Variants in UNC5C observed in about 807,000 individuals in gnomAD.
UNC5C encodes the protein unc-5 netrin receptor C, also known as netrin receptor UNC5C.
UNC5C carries 47 observed loss-of-function variants against 99.8 expected under a neutral mutation model. That is an observed-to-expected ratio of 0.47 (90% CI 0.37 to 0.60). The LOEUF is 0.60. UNC5C is among the 20% of genes least tolerant of loss of function. The pLI, the probability that UNC5C is intolerant of heterozygous loss-of-function variation, is 0.00. For synonymous variants in UNC5C, 487 were observed against 452.2 expected, an observed-to-expected ratio of 1.08 and a Z score of -0.98; for missense variants, 1,062 against 1,165.9, an observed-to-expected ratio of 0.91 and a Z score of 1.30.
At chr4:95,465,632 G>T (rs1030743077) in intron 1 of UNC5C, among the ~76,000 whole-genome samples, 1 of 151,866 alleles carries the variant, frequency 6.6e-6, no homozygotes, top group South Asian at 2.1e-4. Flanking sequence ...TAACATATGG[G>T]GTGCGTAAAA....
intron 1 of UNC5C, among the ~76,000 whole-genome samples, chr4:95,392,128 A>G (rs1483096104): frequency 6.6e-6 from 1 of 152,164 alleles, no homozygotes; most frequent in Non-Finnish European, 1.5e-5. Flanking sequence ...TTTTACAGAA[A>G]TGTATCTTTA....
intron 1 of UNC5C, among the ~76,000 whole-genome samples, chr4:95,532,860 A>G (rs1170546570): frequency 6.6e-6 from 1 of 151,030 alleles, no homozygotes; most frequent in Non-Finnish European, 1.5e-5. Flanking sequence ...CCTGTCAGTC[A>G]TGGTAAGATG....
intron 7 of UNC5C, among the ~76,000 whole-genome samples, chr4:95,224,969 C>T (rs1363048308): frequency 6.6e-6 from 1 of 151,470 alleles, no homozygotes; most frequent in East Asian, 1.9e-4. Context: ...TACGAAAGTC[C>T]TGACAGAAAG....
At chr4:95,323,589 T>A (rs1742778122) in intron 2 of UNC5C, among the ~76,000 whole-genome samples, 1 of 151,888 alleles carries the variant, frequency 6.6e-6, no homozygotes, top group Admixed American at 6.6e-5. Context: ...AAGAAAAGAG[T>A]AGGCATCACT....
intron 2 of UNC5C, among the ~76,000 whole-genome samples, chr4:95,333,598 C>T (rs550889605): frequency 6.6e-6 from 1 of 151,750 alleles, no homozygotes; most frequent in Non-Finnish European, 1.5e-5. Flanking sequence ...CGAGGGATAG[C>T]ATTAGGAGAT....
chr4:95,476,755 A>ATTT (rs11442252), intron 1 of UNC5C, among the ~76,000 whole-genome samples: 2 of 151,548 alleles, frequency 1.3e-5, no homozygotes, highest in African/African-American at 4.8e-5. Context: ...GAATTTGTCC[A>ATTT]TTTTTTTTGC....
At chr4:95,443,064 C>T (rs530368462) in intron 1 of UNC5C, among the ~76,000 whole-genome samples, 2 of 152,132 alleles carry the variant, frequency 1.3e-5, no homozygotes, top group Non-Finnish European at 2.9e-5. Context: ...ATATTTTAGC[C>T]AGACTGATTA....
chr4:95,342,281 A>G (rs1165848878), intron 1 of UNC5C, among the ~76,000 whole-genome samples: 1 of 152,036 alleles, frequency 6.6e-6, no homozygotes, highest in Non-Finnish European at 1.5e-5. Flanking sequence ...GAGGAGAGGG[A>G]AGAGTAAAGA....
At chr4:95,540,087 C>T (rs1303668161) in intron 1 of UNC5C, among the ~76,000 whole-genome samples, 1 of 151,780 alleles carries the variant, frequency 6.6e-6, no homozygotes, top group African/African-American at 2.4e-5. Flanking sequence ...TTTATAAAAC[C>T]CCTGGAGGAT....
At chr4:95,181,090 C>G (rs1391587850) in intron 14 of UNC5C, among the ~76,000 whole-genome samples, 2 of 152,114 alleles carry the variant, frequency 1.3e-5, no homozygotes, top group Admixed American at 1.3e-4. Context: ...GATTCAGTGA[C>G]CCAGAAGGAA....
chr4:95,290,569 A>G (rs2149399477), intron 3 of UNC5C, among the ~76,000 whole-genome samples: 1 of 152,284 alleles, frequency 6.6e-6, no homozygotes, highest in South Asian at 2.1e-4. Context: ...TATTTCCATG[A>G]TTCTGTTTTG....
chr4:95,545,406 T>C (rs1047434537), intron 1 of UNC5C, among the ~76,000 whole-genome samples: 2 of 152,214 alleles, frequency 1.3e-5, no homozygotes, highest in African/African-American at 4.8e-5. Context: ...ATTCATAAAC[T>C]TTCTGTACTC....
chr4:95,205,394 T>G (rs1316113436), intron 11 of UNC5C, among the ~76,000 whole-genome samples: 1 of 152,148 alleles, frequency 6.6e-6, no homozygotes, highest in Admixed American at 6.5e-5. Flanking sequence ...GTGTATTTAT[T>G]TATTTATTAT....
chr4:95,298,949 T>C (rs1052586664), intron 3 of UNC5C, among the ~76,000 whole-genome samples: 7 of 152,206 alleles, frequency 4.6e-5, no homozygotes, highest in African/African-American at 1.7e-4. Context: ...AAAGTAGTTT[T>C]AATCTAGTGT....
At chr4:95,320,738 T>A (rs1742658845) in intron 2 of UNC5C, among the ~76,000 whole-genome samples, 1 of 152,182 alleles carries the variant, frequency 6.6e-6, no homozygotes, top group Admixed American at 6.5e-5. Flanking sequence ...GGCCTGAGGG[T>A]GGACACGATT....
At chr4:95,528,740 C>T (rs1187035718) in intron 1 of UNC5C, among the ~76,000 whole-genome samples, 1 of 152,068 alleles carries the variant, frequency 6.6e-6, no homozygotes. Flanking sequence ...GTGCAGCTCC[C>T]CACTTCAAGG....
intron 1 of UNC5C, among the ~76,000 whole-genome samples, chr4:95,378,395 G>T (rs1579369901): frequency 6.6e-6 from 1 of 151,876 alleles, no homozygotes; most frequent in Non-Finnish European, 1.5e-5. Flanking sequence ...GAAAGCCTAC[G>T]TAACTATCAT....
chr4:95,350,687 G>A (rs567987551), intron 1 of UNC5C, among the ~76,000 whole-genome samples: 2 of 152,076 alleles, frequency 1.3e-5, no homozygotes. Flanking sequence ...TAATAAGAAT[G>A]ATTTATAATA....
intron 2 of UNC5C, among the ~76,000 whole-genome samples, chr4:95,327,102 A>AC (rs1448520446): frequency 1.3e-5 from 2 of 152,170 alleles, no homozygotes; most frequent in Non-Finnish European, 2.9e-5. Flanking sequence ...GCTATTAAGA[A>AC]CCACTAAGTC....
Sources: gnomAD v4.1 joint callset for allele counts (sites outside exome capture counted in the v4.1 genomes callset) on GRCh38, gnomAD v4.1.1 for gene constraint, MANE v1.5 for transcripts, NCBI Gene and HGNC (gene_info 2026-07-23, HGNC 2026-07-21) for gene names.